The following TMC1 variants were observed in gnomAD, a reference collection of about 807,000 sequenced individuals.
The protein encoded by TMC1 is transmembrane channel-like protein 1.
Under a neutral mutation model 105.8 loss-of-function variants are expected in TMC1, and 84 were observed. The ratio of observed to expected loss-of-function variants is 0.79; its 90% CI spans 0.67 to 0.95. The LOEUF is 0.95. Among genes scored for constraint, TMC1 ranks in the 40% least tolerant of loss-of-function variants. The pLI is 0.00. For synonymous variants in TMC1, 315 were observed against 311.5 expected (o/e 1.01, Z -0.12); for missense variants, 817 against 914.1 (o/e 0.89, Z 1.37).
intron 9 of TMC1, 28 bp from the exon 10 acceptor site, chr9:72,742,416 T>C: frequency 6.3e-7 from 1 of 1,594,888 alleles, no homozygotes; most frequent in South Asian, 1.1e-5. Flanking sequence ...AGGTTGGACT[T>C]TACTTTTGTA....
chr9:72,677,202 G>C (rs1040210206), intron 5 of TMC1, among the ~76,000 whole-genome samples: 1 of 151,464 alleles, frequency 6.6e-6, no homozygotes, highest in Admixed American at 6.6e-5. Context: ...CTCAAAATCT[G>C]CAGGCCAAAG....
chr9:72,557,141 C>T (rs762298205), intron 1 of TMC1, among the ~76,000 whole-genome samples: 58 of 152,264 alleles, frequency 3.8e-4, no homozygotes, highest in Admixed American at 9.8e-4. Context: ...GAGGCTGAGG[C>T]GAGTGGATCA....
At chr9:72,524,226 A>C (rs1823364183) in intron 1 of TMC1, among the ~76,000 whole-genome samples, 1 of 152,236 alleles carries the variant, frequency 6.6e-6, no homozygotes, top group South Asian at 2.1e-4. Context: ...ACTTGAAAAT[A>C]GAGAAAGAAA....
intron 17 of TMC1, among the ~76,000 whole-genome samples, chr9:72,803,165 A>T (rs1049509968): frequency 3.3e-5 from 5 of 152,228 alleles, no homozygotes; most frequent in Non-Finnish European, 7.3e-5. Flanking sequence ...GATGCTAAGA[A>T]AACTGGCTAG....
At chr9:72,592,982 A>G (rs1193820461) in intron 2 of TMC1, among the ~76,000 whole-genome samples, 1 of 152,220 alleles carries the variant, frequency 6.6e-6, no homozygotes, top group Admixed American at 6.5e-5. Context: ...GACTAGGCTC[A>G]GGGCTGTTAA....
chr9:72,641,665 T>G (rs1439539635), intron 4 of TMC1, among the ~76,000 whole-genome samples: 1 of 112,184 alleles, frequency 8.9e-6, no homozygotes, highest in African/African-American at 3.8e-5. Flanking sequence ...TGCCCGTGCA[T>G]TCATCCCTCC....
chr9:72,700,010 T>G (rs566221622), intron 7 of TMC1, among the ~76,000 whole-genome samples: 1 of 146,072 alleles, frequency 6.8e-6, no homozygotes, highest in East Asian at 2.0e-4. Context: ...TCCCAGCACT[T>G]TGGGAGGCCG....
intron 1 of TMC1, among the ~76,000 whole-genome samples, chr9:72,537,526 G>A (rs1823605067): frequency 6.6e-6 from 1 of 152,140 alleles, no homozygotes; most frequent in Non-Finnish European, 1.5e-5. Flanking sequence ...TAAAAGCAGT[G>A]TAAACCAAAA....
At chr9:72,800,277 C>G (rs1228511935) in intron 17 of TMC1, among the ~76,000 whole-genome samples, 2 of 152,150 alleles carry the variant, frequency 1.3e-5, no homozygotes, top group Admixed American at 1.3e-4. Flanking sequence ...CCTAAATCTT[C>G]AGCATACGAT....
intron 20 of TMC1, among the ~76,000 whole-genome samples, chr9:72,821,846 C>G (rs1828880451): frequency 6.6e-6 from 1 of 152,028 alleles, no homozygotes; most frequent in Admixed American, 6.5e-5. Context: ...GAGAGAATAC[C>G]CCACACTTTA....
At chr9:72,623,158 T>TTC (rs1554716338) in intron 3 of TMC1, among the ~76,000 whole-genome samples, 28 of 131,864 alleles carry the variant, frequency 2.1e-4, no homozygotes, top group Middle Eastern at 3.7e-3. Flanking sequence ...TTTTTTTTTT[T>TTC]TTTCTTTTTT....
At chr9:72,765,580 A>G in intron 12 of TMC1, among the ~76,000 whole-genome samples, 1 of 151,244 alleles carries the variant, frequency 6.6e-6, no homozygotes, top group Admixed American at 6.6e-5. Flanking sequence ...CCCAAGAGTG[A>G]TTCAGCAAAG....
chr9:72,656,652 T>C (rs1208631478), intron 5 of TMC1, among the ~76,000 whole-genome samples: 3 of 152,244 alleles, frequency 2.0e-5, no homozygotes, highest in African/African-American at 7.2e-5. Context: ...CCTACTTCTT[T>C]GCTTACTTGG....
chr9:72,654,610 A>G (rs981474298), intron 5 of TMC1, among the ~76,000 whole-genome samples: 1 of 152,120 alleles, frequency 6.6e-6, no homozygotes, highest in Admixed American at 6.6e-5. Context: ...CAGTGGTAAA[A>G]ATATCAGTTC....
chr9:72,834,439 T>C (rs963663877), intron 23 of TMC1, among the ~76,000 whole-genome samples: 1 of 152,126 alleles, frequency 6.6e-6, no homozygotes, highest in Non-Finnish European at 1.5e-5. Context: ...ATGGGGCTTG[T>C]GGGCAGATCC....
At chr9:72,623,062 AC>A (rs147524686) in intron 3 of TMC1, among the ~76,000 whole-genome samples, 1 of 149,434 alleles carries the variant, frequency 6.7e-6, no homozygotes, top group African/African-American at 2.5e-5. Flanking sequence ...AAAAAAAAAA[AC>A]AAACAAAAGA....
chr9:72,626,482 C>T (rs1032064222), intron 3 of TMC1, among the ~76,000 whole-genome samples: 4 of 152,062 alleles, frequency 2.6e-5, no homozygotes, highest in Admixed American at 2.6e-4. Flanking sequence ...AAAAAGCCAA[C>T]AATAGCACCT....
intron 1 of TMC1, among the ~76,000 whole-genome samples, chr9:72,576,921 G>A (rs933936908): frequency 3.3e-5 from 5 of 151,156 alleles, no homozygotes; most frequent in African/African-American, 1.2e-4. Context: ...GAGCCACCGC[G>A]CCCGGTGCCC....
chr9:72,531,893 C>T (rs12347987), intron 1 of TMC1, among the ~76,000 whole-genome samples: 11,367 of 152,160 alleles, frequency 0.075, 516 homozygotes, highest in African/African-American at 0.1. Flanking sequence ...TCATTAGAAT[C>T]CTGCTAGCCC....
Sources: allele counts gnomAD v4.1 joint callset (sites outside exome capture counted in the v4.1 genomes callset), GRCh38; gene constraint gnomAD v4.1.1; transcripts MANE v1.5; gene names NCBI Gene and HGNC (gene_info 2026-07-23, HGNC 2026-07-21).